Variants in PLEKHA3 observed in about 807,000 individuals in gnomAD.
PLEKHA3 encodes pleckstrin homology domain-containing family A member 3.
Under a neutral mutation model 39.2 loss-of-function variants are expected in PLEKHA3, and 19 were observed. The ratio of observed to expected loss-of-function variants is 0.48; its 90% CI spans 0.34 to 0.71. The LOEUF (loss-of-function observed/expected upper bound fraction) is 0.71. Ranked by LOEUF, PLEKHA3 falls within the 30% of genes least tolerant of loss-of-function variation. The pLI is 0.01. For synonymous variants in PLEKHA3, 97 were observed against 118.6 expected (o/e 0.82, Z 1.18); for missense variants, 253 against 359.5 (o/e 0.70, Z 2.40).
chr2:178,490,847 A>G (rs765935906), intron 3 of PLEKHA3, 33 bp downstream of exon 3: 14 of 1,520,418 alleles, frequency 9.2e-6, no homozygotes, highest in Non-Finnish European at 1.2e-5. Flanking sequence ...TGGTGAGAGT[A>G]CTTTCTTAAA....
chr2:178,488,255 A>T (rs1486831475), intron 2 of PLEKHA3, among the ~76,000 whole-genome samples: 1 of 152,094 alleles, frequency 6.6e-6, no homozygotes, highest in South Asian at 2.1e-4. Flanking sequence ...TGTGTTGCAG[A>T]TGTTTTCTTC....
intron 7 of PLEKHA3, chr2:178,502,243 T>C: frequency 5.5e-6 from 1 of 183,446 alleles, no homozygotes. Context: ...TTTTTTTTTT[T>C]AATGCCCACT....
chr2:178,481,004 A>G (rs907942054), intron 1 of PLEKHA3, 95 bp downstream of exon 1: 1 of 1,156,314 alleles, frequency 8.6e-7, no homozygotes. Context: ...GCCTCCGCGG[A>G]CCCTCAGAGC....
chr2:178,487,560 T>A (rs1685270122), intron 2 of PLEKHA3, among the ~76,000 whole-genome samples: 1 of 152,096 alleles, frequency 6.6e-6, no homozygotes, highest in Admixed American at 6.6e-5. Flanking sequence ...TACCTCAGCC[T>A]CCTGAGTAGC....
At position 178,494,442 on chromosome 2, in the gene PLEKHA3, G is replaced by A. The variant is rs180921633; in HGVS notation, c.450+453G>A. Among the ~76,000 whole-genome samples, 222 of 152,290 alleles carry A rather than the reference G, an allele frequency of 1.5e-3. 5 individuals carry two copies. In the South Asian group the frequency reaches 0.022, roughly 15 times the overall value. The stretch of plus-strand genomic sequence containing the variant: ...AATCAAAACTCAGATTAGTAGGATC[G>A]GGCTATAATAGGCTCATTCTTCATG... On this transcript the variant is annotated intron_variant, in intron 4 of 7. Transcript: ENST00000234453.
chr2:178,511,764 T>G lies in PLEKHA3; in HGVS notation c.*7877T>G, dbSNP rs1179513307. The stretch of plus-strand genomic sequence containing the variant: ...AACTCCTAAGCTCAGGAGATCCGCC[T>G]GCCTCAGCCTCTGAAAGTGCTGGGA... On this transcript the variant is annotated 3_prime_UTR_variant, in exon 8 of 8. Coordinates refer to ENST00000234453, the MANE Select transcript of PLEKHA3 (RefSeq NM_019091.4). The G allele has an allele frequency of 6.6e-6, 1 of 151,822 alleles. No homozygotes were observed. The highest frequency in any genetic ancestry group is 1.5e-5 in the Non-Finnish European group (1 of 68,004). 9.4% of individuals were successfully genotyped at this position (151,822 alleles called of 1,614,324 possible). A position where few individuals can be genotyped will look rare whatever the true frequency, so the allele number is the denominator to read the frequency against.
At chr2:178,483,930 T>C (rs1034259800) in intron 1 of PLEKHA3, among the ~76,000 whole-genome samples, 5 of 152,040 alleles carry the variant, frequency 3.3e-5, no homozygotes, top group African/African-American at 1.2e-4. Flanking sequence ...AATTAAAAAA[T>C]TAGCCAGGCA....
rs1575148308 is a variant in PLEKHA3 at position 178,505,706 on chromosome 2, C to T, written c.*1819C>T. ...GAAAACACCGTAACAAGCTTTTGAA[C>T]TTATAGAAAATAATCACATCCATTT... On this transcript the variant is annotated 3_prime_UTR_variant, in exon 8 of 8. Coordinates refer to ENST00000234453, the MANE Select transcript of PLEKHA3 (RefSeq NM_019091.4). The T allele has an allele frequency of 1.3e-5, 2 of 151,686 alleles. No homozygotes were observed. The highest frequency in any genetic ancestry group is 6.6e-5 in the Admixed American group (1 of 15,216). 9.4% of individuals were successfully genotyped at this position (151,686 alleles called of 1,614,324 possible).
intron 2 of PLEKHA3, among the ~76,000 whole-genome samples, chr2:178,486,266 G>C (rs1197482947): frequency 6.6e-6 from 1 of 152,160 alleles, no homozygotes; most frequent in African/African-American, 2.4e-5. Context: ...AAAGCAATAG[G>C]TCCTGCTGTA....
intron 5 of PLEKHA3, among the ~76,000 whole-genome samples, chr2:178,498,066 C>G (rs1042377157): frequency 3.3e-5 from 5 of 152,066 alleles, no homozygotes; most frequent in Non-Finnish European, 7.4e-5. Flanking sequence ...GTGCTTTAAT[C>G]TGATCTTTAT....
chr2:178,514,375 A>G lies in PLEKHA3; in HGVS notation c.*10488A>G, dbSNP rs1474172790. On this transcript the variant is annotated 3_prime_UTR_variant, in exon 8 of 8. Coordinates refer to ENST00000234453, the MANE Select transcript of PLEKHA3 (RefSeq NM_019091.4). The stretch of plus-strand genomic sequence containing the variant: ...TAACTATCATCGAGAATATAGGGCA[A>G]TGGGTATATTCTAACTTTGCATAAC... 1 of 152,132 alleles carries G rather than the reference A, an allele frequency of 6.6e-6. No individual in the cohort carries two copies. The highest frequency in any genetic ancestry group is 1.5e-5 in the Non-Finnish European group (1 of 68,020). 9.4% of individuals were successfully genotyped at this position (152,132 alleles called of 1,614,324 possible). A position where few individuals can be genotyped will look rare whatever the true frequency, so the allele number is the denominator to read the frequency against.
chr2:178,493,983 T>C lies in PLEKHA3; in HGVS notation c.444T>C (p.Ser148=). 2 of 1,613,652 alleles carry C rather than the reference T, an allele frequency of 1.2e-6. No homozygotes were observed. Among genetic ancestry groups the C allele is most frequent in the Non-Finnish European group, 1.7e-6 (2 of 1,179,828 alleles). The change falls in exon 4 of 8, where the codon AGT becomes AGC. Residue 148 remains serine, a synonymous_variant. Transcript: ENST00000234453. ...VHHDENHSSP[S]AENMNEASSL... Reference sequence around the variant, plus strand: ...ATGATGAGAATCATTCATCTCCTAGTGCAGAGGTAGAGCGAAGAGGATCTC... The same window carrying C: ...ATGATGAGAATCATTCATCTCCTAGCGCAGAGGTAGAGCGAAGAGGATCTC...
At chr2:178,497,214 T>C (rs1167270251) in intron 5 of PLEKHA3, among the ~76,000 whole-genome samples, 1 of 150,558 alleles carries the variant, frequency 6.6e-6, no homozygotes, top group Non-Finnish European at 1.5e-5. Context: ...TAAATATATA[T>C]ATAAATACTA....
At chr2:178,481,711 C>A (rs374711008) in intron 1 of PLEKHA3, 23 of 153,716 alleles carry the variant, frequency 1.5e-4, no homozygotes, top group Non-Finnish European at 3.1e-4. Flanking sequence ...GTTATTCTTT[C>A]AGGACCTCAG....
rs977571556 is a variant in PLEKHA3, at chr2:178,513,181, C to T, written c.*9294C>T. On this transcript the variant is annotated 3_prime_UTR_variant, in exon 8 of 8. Coordinates refer to ENST00000234453, the MANE Select transcript of PLEKHA3 (RefSeq NM_019091.4). Reference sequence around the variant, plus strand: ...AGTAGCTGGAATTACAGGCGAGCACCACCATGCCTGGCTAATTTTTGTATT... The same window carrying T: ...AGTAGCTGGAATTACAGGCGAGCACTACCATGCCTGGCTAATTTTTGTATT... 1.3e-5 allele frequency: 2 copies of T among 152,252 alleles called. No homozygotes were observed. Among genetic ancestry groups the T allele is most frequent in the Non-Finnish European group, 2.9e-5 (2 of 68,128 alleles). 9.4% of individuals were successfully genotyped at this position (152,252 alleles called of 1,614,324 possible). A position where few individuals can be genotyped will look rare whatever the true frequency, so the allele number is the denominator to read the frequency against.
chr2:178,494,540 A>G (rs1207824121), intron 4 of PLEKHA3, among the ~76,000 whole-genome samples: 1 of 152,126 alleles, frequency 6.6e-6, no homozygotes, highest in Admixed American at 6.5e-5. Flanking sequence ...TTTTTGCCTA[A>G]CTTGGTAGAA....
At chr2:178,497,813 GAA>G (rs1433270985) in intron 5 of PLEKHA3, among the ~76,000 whole-genome samples, 2 of 151,976 alleles carry the variant, frequency 1.3e-5, no homozygotes, top group Admixed American at 1.3e-4. Flanking sequence ...AACTTCTCAG[GAA>G]ATCCCTTATG....
rs35052196 is a variant in PLEKHA3, at chr2:178,507,658, G to GT, written c.*3807dup. 818 of 28,812 alleles carry GT rather than the reference G, an allele frequency of 0.028. 330 individuals are homozygous for GT. Among genetic ancestry groups the GT allele is most frequent in the Non-Finnish European group, 0.049 (573 of 11,750 alleles). The allele number at this position is 28,812 out of a possible 1,614,324, so 1.8% of individuals were successfully genotyped here. A position where few individuals can be genotyped will look rare whatever the true frequency, so the allele number is the denominator to read the frequency against. On this transcript the variant is annotated 3_prime_UTR_variant, in exon 8 of 8. Transcript: ENST00000234453. Reference sequence around the variant, plus strand: ...CCTTTAGTTTTTAGTCTCACATTAGGTTTTTTTTTTTTTTTTTTTTTTTTT... The same window carrying GT: ...CCTTTAGTTTTTAGTCTCACATTAGGTTTTTTTTTTTTTTTTTTTTTTTTTT...
chr2:178,488,999 G>A (rs1442013625), intron 2 of PLEKHA3: 2 of 451,262 alleles, frequency 4.4e-6, no homozygotes, highest in Admixed American at 5.4e-5. Flanking sequence ...ACCCTTGATT[G>A]GATGCATAAA....
Sources: allele counts gnomAD v4.1 joint callset (sites outside exome capture counted in the v4.1 genomes callset), GRCh38; gene constraint gnomAD v4.1.1; transcripts MANE v1.5; gene names NCBI Gene and HGNC (gene_info 2026-07-23, HGNC 2026-07-21).